Variants in KBTBD12 observed in about 807,000 individuals in gnomAD.
KBTBD12 encodes the protein kelch repeat and BTB domain-containing protein 12.
A neutral mutation model predicts 58.7 loss-of-function variants in KBTBD12; 53 were observed. The observed-to-expected ratio is 0.90, with a 90% CI of 0.72 to 1.14. The LOEUF (loss-of-function observed/expected upper bound fraction) is 1.14. Ranked by LOEUF, KBTBD12 falls within the 50% of genes most tolerant of loss-of-function variation. KBTBD12 has a pLI of 0.00. For missense variants in KBTBD12, 704 were observed against 751.3 expected (o/e 0.94, Z 0.74); for synonymous variants, 236 against 259.8 (o/e 0.91, Z 0.88).
rs994869241 is a variant in KBTBD12 at position 127,985,411 on chromosome 3, C to T, written c.*1133C>T. The T allele has an allele frequency of 6.6e-5, 10 of 152,230 alleles. No homozygotes were observed. The highest frequency in any genetic ancestry group is 4.4e-5 in the Non-Finnish European group (3 of 68,060). The allele number at this position is 152,230 out of a possible 1,614,324, so 9.4% of individuals were successfully genotyped here. On this transcript the variant is annotated 3_prime_UTR_variant, in exon 6 of 6. Transcript: ENST00000405109. ...TGGGAAGTCCGTCTATCTTACTTCC[C>T]GTCTCTAATTCTGGAAGCACAGTGG... is the stretch of plus-strand genomic sequence containing the variant.
chr3:127,964,120 T>C (rs1940512582), intron 5 of KBTBD12, among the ~76,000 whole-genome samples: 1 of 152,158 alleles, frequency 6.6e-6, no homozygotes, highest in Non-Finnish European at 1.5e-5. Context: ...GTTTGATTAG[T>C]GGCATAAGTA....
intron 4 of KBTBD12, among the ~76,000 whole-genome samples, chr3:127,946,493 A>C (rs899235338): frequency 6.6e-6 from 1 of 152,218 alleles, no homozygotes; most frequent in Non-Finnish European, 1.5e-5. Context: ...AGCAAATGTC[A>C]GTCTCATAGT....
intron 4 of KBTBD12, among the ~76,000 whole-genome samples, chr3:127,934,287 C>T (rs1353660738): frequency 6.6e-6 from 1 of 152,096 alleles, no homozygotes; most frequent in Non-Finnish European, 1.5e-5. Flanking sequence ...AAATGTTAAA[C>T]TTGTGAAGTA....
Position 127,965,757 on chromosome 3 carries a change from A to G in KBTBD12, c.1690+2371A>G, listed in dbSNP as rs78765696. 6.2e-3 allele frequency among the ~76,000 whole-genome samples: 947 copies of G among 152,344 alleles called. 10 individuals are homozygous for G. The highest frequency in any genetic ancestry group is 0.021 in the African/African-American group (892 of 41,582). ...GTTGAACACCTCTATTTTATCTTCAAGCCCCACTAAAATGACAGTAAGTCG... is the reference window on the plus strand; with the variant it reads ...GTTGAACACCTCTATTTTATCTTCAGGCCCCACTAAAATGACAGTAAGTCG... On this transcript the variant is annotated intron_variant, in intron 5 of 5. Coordinates refer to ENST00000405109, the MANE Select transcript of KBTBD12 (RefSeq NM_207335.4).
chr3:127,952,852 C>T (rs1055473938), intron 4 of KBTBD12, among the ~76,000 whole-genome samples: 12 of 152,154 alleles, frequency 7.9e-5, no homozygotes, highest in Admixed American at 2.6e-4. Flanking sequence ...CTTGCCTTTA[C>T]CTTATTACAT....
chr3:127,925,223 G>A (rs1040059270), intron 2 of KBTBD12, among the ~76,000 whole-genome samples: 6 of 152,216 alleles, frequency 3.9e-5, no homozygotes, highest in Admixed American at 6.5e-5. Flanking sequence ...ACCTAGACCC[G>A]TGCCCATGGG....
chr3:127,923,861 T>G lies in KBTBD12; in HGVS notation c.800T>G (p.Leu267Arg). 6.2e-7 allele frequency: 1 copy of G among 1,613,952 alleles called. No homozygotes were observed. The highest frequency in any genetic ancestry group is 8.5e-7 in the Non-Finnish European group (1 of 1,179,856). The change falls in exon 2 of 6, where the codon CTG becomes CGG. Residue 267 changes from leucine (L) to arginine (R), a missense_variant. By Grantham distance (102) the Leu-to-Arg change is moderately radical. Coordinates refer to ENST00000405109, the MANE Select transcript of KBTBD12 (RefSeq NM_207335.4). The part of the protein sequence containing the change: ...IKTPQQHSLN[L>R]RYGMETTSLL... ...ACACCCCAACAGCACTCTCTAAATC[T>G]GCGCTATGGTATGGAGACTACCAGT...
chr3:127,987,478 A>C lies in KBTBD12; in HGVS notation c.*3200A>C, dbSNP rs1040347832. 6.6e-6 allele frequency: 1 copy of C among 152,204 alleles called. No individual in the cohort carries two copies. The highest frequency in any genetic ancestry group is 2.4e-5 in the African/African-American group (1 of 41,436). The allele number at this position is 152,204 out of a possible 1,614,324, so 9.4% of individuals were successfully genotyped here. ...CTATCTGCTAATTCTTATCTTTGTG[A>C]CAGGATTGTTTGACACTGAGCAAGG... is the stretch of plus-strand genomic sequence containing the variant. On this transcript the variant is annotated 3_prime_UTR_variant, in exon 6 of 6. Transcript: ENST00000405109.
chr3:127,973,307 A>G lies in KBTBD12; in HGVS notation c.1690+9921A>G, dbSNP rs184934167. 1.5e-3 allele frequency among the ~76,000 whole-genome samples: 233 copies of G among 152,202 alleles called. 2 individuals carry two copies. The highest frequency in any genetic ancestry group is 1.6e-3 in the Non-Finnish European group (107 of 68,016). On this transcript the variant is annotated intron_variant, in intron 5 of 5. Transcript: ENST00000405109. ...ACATTCTACAAGAAAACTGACCCTG[A>G]CTCAAAAAAATTAATGTCACAGGGA...
intron 5 of KBTBD12, among the ~76,000 whole-genome samples, chr3:127,974,117 T>C (rs1341463177): frequency 6.6e-6 from 1 of 152,208 alleles, no homozygotes; most frequent in African/African-American, 2.4e-5. Flanking sequence ...TTTACAGAAC[T>C]GGCATAGACA....
At chr3:127,980,330 T>A (rs1354800801) in intron 5 of KBTBD12, among the ~76,000 whole-genome samples, 1 of 152,136 alleles carries the variant, frequency 6.6e-6, no homozygotes, top group East Asian at 1.9e-4. Flanking sequence ...TTATTTATTT[T>A]TTATTTTTTA....
At chr3:127,931,465 A>G (rs1416574050) in intron 4 of KBTBD12, among the ~76,000 whole-genome samples, 11 of 152,144 alleles carry the variant, frequency 7.2e-5, no homozygotes, top group Admixed American at 7.2e-4. Context: ...CCTATGATAG[A>G]TCACCTAGGA....
chr3:127,960,279 A>G (rs982031952), intron 4 of KBTBD12, among the ~76,000 whole-genome samples: 7 of 152,348 alleles, frequency 4.6e-5, no homozygotes, highest in South Asian at 2.1e-4. Flanking sequence ...GGGAGTCTTT[A>G]TAGAAATGAT....
At chr3:127,967,661 A>G (rs190303408) in intron 5 of KBTBD12, among the ~76,000 whole-genome samples, 2 of 152,354 alleles carry the variant, frequency 1.3e-5, no homozygotes, top group Admixed American at 6.5e-5. Context: ...GGAGCAGGTC[A>G]GGGAACAACT....
At chr3:127,950,857 C>A (rs1363003734) in intron 4 of KBTBD12, among the ~76,000 whole-genome samples, 2 of 152,162 alleles carry the variant, frequency 1.3e-5, no homozygotes, top group Non-Finnish European at 2.9e-5. Flanking sequence ...CATGGTGAAA[C>A]CCTGTCTCTA....
intron 4 of KBTBD12, among the ~76,000 whole-genome samples, chr3:127,955,573 C>G (rs1459010548): frequency 6.6e-6 from 1 of 152,094 alleles, no homozygotes; most frequent in African/African-American, 2.4e-5. Flanking sequence ...CGGCAGATTC[C>G]TGGCCCTCAC....
intron 5 of KBTBD12, among the ~76,000 whole-genome samples, chr3:127,981,452 T>C (rs921709956): frequency 2.6e-5 from 4 of 152,252 alleles, no homozygotes; most frequent in African/African-American, 9.6e-5. Flanking sequence ...TAAATAGAAT[T>C]ACTTCTAGAA....
intron 1 of KBTBD12, among the ~76,000 whole-genome samples, chr3:127,916,716 A>C (rs565547495): frequency 6.6e-5 from 10 of 152,218 alleles, no homozygotes; most frequent in South Asian, 4.1e-4. Context: ...AAAAAAAAAA[A>C]AAAAAACTGA....
chr3:127,955,360 A>G (rs960403336), intron 4 of KBTBD12, among the ~76,000 whole-genome samples: 3 of 152,334 alleles, frequency 2.0e-5, no homozygotes, highest in African/African-American at 4.8e-5. Context: ...GAATGCCATT[A>G]AAGAGTAATG....
Sources: allele counts gnomAD v4.1 joint callset (sites outside exome capture counted in the v4.1 genomes callset), GRCh38; gene constraint gnomAD v4.1.1; transcripts MANE v1.5; gene names NCBI Gene and HGNC (gene_info 2026-07-23, HGNC 2026-07-21).